The following WDR11 variants were observed in gnomAD, a reference collection of about 807,000 sequenced individuals.
WDR11 encodes the protein WD repeat-containing protein 11.
A neutral mutation model predicts 151.2 loss-of-function variants in WDR11; 83 were observed. The observed-to-expected ratio is 0.55, with a 90% CI of 0.46 to 0.66. The LOEUF (loss-of-function observed/expected upper bound fraction) is 0.66, where lower values mean the gene tolerates loss of function less well. Among genes scored for constraint, WDR11 ranks in the 30% least tolerant of loss-of-function variants. The pLI, the probability that WDR11 is intolerant of heterozygous loss-of-function variation, is 0.00. For missense variants in WDR11, 1,301 were observed against 1,480.9 expected (o/e 0.88, Z 1.99); for synonymous variants, 484 against 533.1 (o/e 0.91, Z 1.27).
At chr10:120,899,053 C>T (rs201338692) in intron 19 of WDR11, among the ~76,000 whole-genome samples, 2 of 152,094 alleles carry the variant, frequency 1.3e-5, no homozygotes, top group South Asian at 4.1e-4. Context: ...AGGTCGAGTC[C>T]GATAGAGTGT....
At chr10:120,865,430 A>G (rs1034698961) in intron 6 of WDR11, among the ~76,000 whole-genome samples, 200 bp from the exon 7 acceptor site, 7 of 152,258 alleles carry the variant, frequency 4.6e-5, no homozygotes, top group African/African-American at 1.7e-4. Flanking sequence ...TATTTATTGA[A>G]CTATTTAAGT....
chr10:120,871,172 C>A lies in WDR11; in HGVS notation c.1297C>A (p.Gln433Lys), dbSNP rs747626084. The change falls in exon 10 of 29, where the codon CAA (glutamine) becomes AAA (lysine). Residue 433 changes from glutamine to lysine, a missense_variant and splice_region_variant. By Grantham distance (53) the Gln-to-Lys change is moderately conservative. Transcript: ENST00000263461. ...TTGTTATTTTTATTACAAATCAGGG[C>A]AAAGTGCAATTGCTGGGGAAGAACA... ...PDLSLDNMIG[Q>K]SAIAGEEHPR... The A allele has an allele frequency of 1.9e-6, 3 of 1,614,078 alleles. No homozygotes were observed. Among genetic ancestry groups the A allele is most frequent in the South Asian group, 2.2e-5 (2 of 91,074 alleles).
In WDR11 at chr10:120,902,282, C is replaced by A. The variant is rs867633430; in HGVS notation, c.2713C>A (p.Pro905Thr). 5 of 1,614,110 alleles carry A rather than the reference C, an allele frequency of 3.1e-6. No homozygotes were observed. Among genetic ancestry groups the A allele is most frequent in the Non-Finnish European group, 4.2e-6 (5 of 1,180,020 alleles). ...TGACATAAAGAAACTGTTGCTTGAT[C>A]CAGAATTCACTCTCTTGCAGAGGTG... ...SNDIKKLLLDPEFTLLQRCLL... is the reference protein window; with the variant it reads ...SNDIKKLLLDTEFTLLQRCLL... Residue 905 changes from proline (P) to threonine (T), a missense_variant, in exon 22 of 29, where the codon CCA becomes ACA. Physicochemically the swap from Pro to Thr is conservative, Grantham distance 38. Coordinates refer to ENST00000263461, the MANE Select transcript of WDR11 (RefSeq NM_018117.12).
chr10:120,873,707 T>C (rs1294826294), intron 10 of WDR11, 132 bp from the exon 11 acceptor site: 7 of 712,600 alleles, frequency 9.8e-6, no homozygotes, highest in Non-Finnish European at 1.8e-5. Flanking sequence ...TGTGTTTGTT[T>C]AAACACATAG....
Position 120,905,992 on chromosome 10 carries a change from C to T in WDR11, c.3408C>T (p.Cys1136=). ...TCCTGGTTCTCCTCTCTCTGGGCTG[C>T]TTTTTTAGCGTGGCAGAGACGCTTC... ...KALLVLLSLG[C]FFSVAETLHS... Residue 1136 remains cysteine, a synonymous_variant, in exon 27 of 29, where the codon TGC becomes TGT. Coordinates refer to ENST00000263461, the MANE Select transcript of WDR11 (RefSeq NM_018117.12). The T allele has an allele frequency of 6.2e-7, 1 of 1,613,996 alleles. No homozygotes were observed.
intron 19 of WDR11, among the ~76,000 whole-genome samples, chr10:120,897,763 A>C (rs575888488): frequency 5.3e-4 from 81 of 152,338 alleles, no homozygotes; most frequent in African/African-American, 1.9e-3. Flanking sequence ...GCAGTGTACC[A>C]GCCTTGACTG....
intron 11 of WDR11, 80 bp downstream of exon 11, chr10:120,874,003 C>T (rs1412329821): frequency 1.1e-6 from 1 of 891,480 alleles, no homozygotes; most frequent in Non-Finnish European, 1.9e-6. Flanking sequence ...ACATTGAGTA[C>T]TCTGTAATAT....
At chr10:120,905,752 A>C in intron 26 of WDR11, 124 bp from the exon 27 acceptor site, 1 of 1,530,926 alleles carries the variant, frequency 6.5e-7, no homozygotes, top group Non-Finnish European at 9.0e-7. Context: ...GCTTCAGGGC[A>C]GTGTGCTAGT....
intron 12 of WDR11, chr10:120,879,308 C>T (rs775241438): frequency 6.6e-6 from 1 of 152,120 alleles, no homozygotes; most frequent in Non-Finnish European, 1.5e-5. Flanking sequence ...GTTGTTCTTA[C>T]TTCTCAGGGT....
At chr10:120,906,415 C>G in intron 27 of WDR11, 1 of 1,245,074 alleles carries the variant, frequency 8.0e-7, no homozygotes, top group Non-Finnish European at 1.0e-6. Flanking sequence ...ACAACCATCA[C>G]TAATTGTGGA....
intron 3 of WDR11, among the ~76,000 whole-genome samples, chr10:120,859,272 C>CT (rs35233163): frequency 0.059 from 7,644 of 128,792 alleles, 751 homozygotes; most frequent in African/African-American, 0.21. Context: ...TTTTTTTTTT[C>CT]TTTTTTTTTT....
chr10:120,899,130 A>T (rs894551518), intron 19 of WDR11, among the ~76,000 whole-genome samples: 3 of 152,132 alleles, frequency 2.0e-5, no homozygotes, highest in African/African-American at 7.2e-5. Context: ...GCACTGAAAC[A>T]TGTTGACAAC....
chr10:120,900,287 G>C, intron 20 of WDR11, 150 bp downstream of exon 20: 2 of 744,524 alleles, frequency 2.7e-6, no homozygotes, highest in Middle Eastern at 3.7e-4. Flanking sequence ...TTGCCAGGCT[G>C]CCTCTGGGTT....
Position 120,889,130 on chromosome 10 carries a change from T to C in WDR11, c.2174T>C (p.Leu725Pro). ...CIAWKGDTLV[L>P]GDMDGNLNFW... ...GCTTGGAAAGGTGATACATTAGTGC[T>C]TGGAGATATGGATGGAAATTTAAAT... The change falls in exon 17 of 29, where the codon CTT (leucine) becomes CCT (proline). Residue 725 changes from leucine to proline, a missense_variant. Around this residue, in one of 3 missense-constraint regions of WDR11, gnomAD observed 589 missense variants for 670.6 expected, o/e 0.88. Transcript: ENST00000263461. 1 of 1,614,088 alleles carries C rather than the reference T, an allele frequency of 6.2e-7. No individual in the cohort carries two copies. The highest frequency in any genetic ancestry group is 2.2e-5 in the East Asian group (1 of 44,862).
At chr10:120,852,496 T>A (rs760942076) in intron 1 of WDR11, 28 bp from the exon 2 acceptor site, 35 of 1,602,076 alleles carry the variant, frequency 2.2e-5, no homozygotes, top group Non-Finnish European at 1.7e-6. Context: ...TGTTCTGTAC[T>A]TAAACTTTAA....
intron 20 of WDR11, 115 bp downstream of exon 20, chr10:120,900,252 G>C (rs1016966394): frequency 1.8e-5 from 17 of 928,568 alleles, no homozygotes; most frequent in Non-Finnish European, 2.4e-5. Flanking sequence ...CTTTAAAGCC[G>C]AGAGAAGGCA....
chr10:120,900,762 T>C (rs574877765), intron 20 of WDR11, among the ~76,000 whole-genome samples: 14 of 152,208 alleles, frequency 9.2e-5, no homozygotes, highest in Non-Finnish European at 2.1e-4. Flanking sequence ...ACCTGATAGA[T>C]TTTAAAGCCT....
intron 2 of WDR11, among the ~76,000 whole-genome samples, chr10:120,853,382 C>T (rs1002725163): frequency 6.6e-6 from 1 of 152,014 alleles, no homozygotes; most frequent in Non-Finnish European, 1.5e-5. Flanking sequence ...TCTCCTGCCT[C>T]AGCCTCCTGA....
At chr10:120,907,111 C>T (rs1848082843) in intron 28 of WDR11, among the ~76,000 whole-genome samples, 1 of 151,996 alleles carries the variant, frequency 6.6e-6, no homozygotes, top group African/African-American at 2.4e-5. Flanking sequence ...AGGACAGGGC[C>T]CCCAAGTCTT....
Sources: allele counts gnomAD v4.1 joint callset (sites outside exome capture counted in the v4.1 genomes callset), GRCh38; gene constraint gnomAD v4.1.1; regional missense constraint gnomAD v4.1.1; transcripts MANE v1.5; gene names NCBI Gene and HGNC (gene_info 2026-07-23, HGNC 2026-07-21).